The following METTL15 variants were observed in gnomAD, a reference collection of about 807,000 sequenced individuals.
METTL15 encodes 12S rRNA N(4)-cytidine methyltransferase METTL15.
In METTL15, 34 loss-of-function variants were observed where a neutral mutation model predicts 38.3. The observed-to-expected ratio is 0.89, with a 90% CI of 0.68 to 1.18. METTL15 has a LOEUF of 1.18. Among genes scored for constraint, METTL15 ranks in the 50% most tolerant of loss-of-function variants. The pLI, the probability that METTL15 is intolerant of heterozygous loss-of-function variation, is 0.00. For synonymous variants in METTL15, 162 were observed against 170.9 expected, an observed-to-expected ratio of 0.95 and a Z score of 0.41; for missense variants, 438 against 498.4, an observed-to-expected ratio of 0.88 and a Z score of 1.15.
chr11:28,524,665 G>C (rs1486528668), intron 6 of METTL15, among the ~76,000 whole-genome samples: 1 of 152,316 alleles, frequency 6.6e-6, no homozygotes, highest in South Asian at 2.1e-4. Flanking sequence ...AATCAGCAAG[G>C]TAAAGGAGTA....
chr11:28,326,202 G>A (rs1026186045), intron 6 of METTL15, among the ~76,000 whole-genome samples: 11 of 152,232 alleles, frequency 7.2e-5, no homozygotes, highest in Non-Finnish European at 1.3e-4. Context: ...CCTCAAGGGC[G>A]GGGACCATTT....
At chr11:28,225,277 C>G (rs1853427109) in intron 4 of METTL15, among the ~76,000 whole-genome samples, 2 of 151,792 alleles carry the variant, frequency 1.3e-5, no homozygotes, top group African/African-American at 2.4e-5. Context: ...GGCCTACTAG[C>G]CTTTTTATAA....
At chr11:28,247,951 T>G (rs1854580886) in intron 4 of METTL15, among the ~76,000 whole-genome samples, 1 of 152,254 alleles carries the variant, frequency 6.6e-6, no homozygotes, top group East Asian at 1.9e-4. Flanking sequence ...AATATTGATT[T>G]TAAAGTTTTT....
chr11:28,370,945 G>C (rs183064009), intron 5 of METTL15, among the ~76,000 whole-genome samples: 106 of 152,054 alleles, frequency 7.0e-4, no homozygotes, highest in Admixed American at 3.7e-3. Flanking sequence ...ATGTATTCTG[G>C]TTATTAATCC....
intron 3 of METTL15, among the ~76,000 whole-genome samples, chr11:28,143,530 T>C (rs1272015081): frequency 6.6e-6 from 1 of 152,158 alleles, no homozygotes; most frequent in Non-Finnish European, 1.5e-5. Flanking sequence ...AATTCATCCT[T>C]CTTCTTTTGT....
At chr11:28,382,686 T>C (rs1466646413) in intron 5 of METTL15, among the ~76,000 whole-genome samples, 1 of 151,840 alleles carries the variant, frequency 6.6e-6, no homozygotes, top group Non-Finnish European at 1.5e-5. Context: ...ATACAAAAAC[T>C]TAGCCAGGCA....
intron 5 of METTL15, among the ~76,000 whole-genome samples, chr11:28,394,878 C>T (rs4923534): frequency 0.42 from 64,191 of 151,768 alleles, 14,975 homozygotes; most frequent in Admixed American, 0.54. Flanking sequence ...ATGTCTGATA[C>T]ATAATAGATA....
chr11:28,204,638 T>C (rs1205489985), intron 3 of METTL15, among the ~76,000 whole-genome samples: 4 of 151,896 alleles, frequency 2.6e-5, no homozygotes, highest in African/African-American at 9.7e-5. Flanking sequence ...GATTCATCTC[T>C]ATTCAATTCC....
chr11:28,433,937 A>G (rs902944987), intron 6 of METTL15, among the ~76,000 whole-genome samples: 1 of 152,144 alleles, frequency 6.6e-6, no homozygotes, highest in Admixed American at 6.5e-5. Flanking sequence ...ATGTAGTTAA[A>G]CTAGACTCCT....
chr11:28,234,200 A>G (rs1416790352), intron 4 of METTL15, among the ~76,000 whole-genome samples: 4 of 152,094 alleles, frequency 2.6e-5, no homozygotes, highest in East Asian at 1.9e-4. Flanking sequence ...AATCCACTCT[A>G]TCATTGTTGG....
At chr11:28,123,867 G>T (rs1852355624) in intron 3 of METTL15, 2 of 1,476,230 alleles carry the variant, frequency 1.4e-6, no homozygotes, top group East Asian at 2.5e-5. Flanking sequence ...GCAAGCAAAA[G>T]AAGTAAACTG....
At chr11:28,465,239 C>T (rs1851247324) in intron 6 of METTL15, among the ~76,000 whole-genome samples, 1 of 152,180 alleles carries the variant, frequency 6.6e-6, no homozygotes, top group Admixed American at 6.5e-5. Flanking sequence ...CTTGGTACCA[C>T]ACTCTCTTGA....
chr11:28,402,481 C>T (rs1257086227), intron 5 of METTL15, among the ~76,000 whole-genome samples: 5 of 151,900 alleles, frequency 3.3e-5, no homozygotes, highest in Non-Finnish European at 7.4e-5. Flanking sequence ...GATCTATACC[C>T]TACTTACTAC....
rs1851810650 is a variant in METTL15, at chr11:28,526,251, A to T, written c.*425-227A>T. On this transcript the variant is annotated intron_variant and NMD_transcript_variant, in intron 6 of 7. Transcript: ENST00000532947. ...GTCCCCACAGTGCAGTGGTGGGCTG[A>T]AGGGCTCCCCGAGCATGGCCAGAGC... Among the ~76,000 whole-genome samples, 3 of 152,192 alleles carry T rather than the reference A, an allele frequency of 2.0e-5. No homozygotes were observed. The South Asian group carries it at 6.2e-4, about 31-fold the overall frequency.
chr11:28,352,500 A>G (rs934479338), intron 4 of METTL15, among the ~76,000 whole-genome samples: 3 of 152,222 alleles, frequency 2.0e-5, no homozygotes, highest in Non-Finnish European at 4.4e-5. Flanking sequence ...TCATGTGTCC[A>G]GGAGGGAAAG....
intron 3 of METTL15, among the ~76,000 whole-genome samples, chr11:28,114,593 G>A (rs1238633658): frequency 1.3e-5 from 2 of 152,116 alleles, no homozygotes; most frequent in African/African-American, 4.8e-5. Context: ...TGAGACTATA[G>A]GTGAACACTA....
At position 28,485,574 on chromosome 11, in the gene METTL15, A is replaced by C. The variant is rs562363113; in HGVS notation, c.*425-40904A>C. Among the ~76,000 whole-genome samples the C allele has an allele frequency of 5.9e-4, 90 of 152,302 alleles. 2 individuals carry two copies. The highest frequency in any genetic ancestry group is 5.8e-3 in the Admixed American group (89 of 15,294). On this transcript the variant is annotated intron_variant and NMD_transcript_variant, in intron 6 of 7. Coordinates refer to the METTL15 transcript ENST00000532947. ...ATCATATTGTTGGAAACTCAGATAC[A>C]TGCTGGGCAAGTATTGGGGTGGAGC...
intron 3 of METTL15, among the ~76,000 whole-genome samples, chr11:28,138,178 G>C (rs1849577999): frequency 6.6e-6 from 1 of 152,014 alleles, no homozygotes; most frequent in Middle Eastern, 3.2e-3. Context: ...GGTGTCCTAG[G>C]CTATCAGAAG....
At chr11:28,311,218 T>G (rs995957818) in intron 6 of METTL15, among the ~76,000 whole-genome samples, 9 of 152,166 alleles carry the variant, frequency 5.9e-5, no homozygotes, top group Non-Finnish European at 1.2e-4. Context: ...TTTAATCCTT[T>G]CTCTTTCTCA....
Sources: gnomAD v4.1 joint callset for allele counts (sites outside exome capture counted in the v4.1 genomes callset) on GRCh38, gnomAD v4.1.1 for gene constraint, MANE v1.5 for transcripts, NCBI Gene and HGNC (gene_info 2026-07-23, HGNC 2026-07-21) for gene names.